CCDC171: variants seen among roughly 807,000 people sequenced by gnomAD.
CCDC171 encodes coiled-coil domain containing 171.
A neutral mutation model predicts 168.2 loss-of-function variants in CCDC171; 177 were observed. That is an observed-to-expected ratio of 1.05 (90% confidence interval 0.93 to 1.19). The LOEUF (loss-of-function observed/expected upper bound fraction) is 1.19, where lower values mean the gene tolerates loss of function less well. Among genes scored for constraint, CCDC171 ranks in the 50% most tolerant of loss-of-function variants. The pLI is 0.00. For synonymous variants in CCDC171, 687 were observed against 540.8 expected, an observed-to-expected ratio of 1.27 and a Z score of -3.75; for missense variants, 1,991 against 1,539.0, an observed-to-expected ratio of 1.29 and a Z score of -4.91.
chr9:15,728,729 T>C (rs2053972523), intron 15 of CCDC171, among the ~76,000 whole-genome samples: 1 of 152,126 alleles, frequency 6.6e-6, no homozygotes, highest in African/African-American at 2.4e-5. Context: ...AAAGACACAT[T>C]GGTTCTTATC....
In CCDC171 at chr9:15,744,336, C is replaced by T; in HGVS notation, c.2113C>T (p.Gln705Ter). ...KLNHIEKSHE[Q>*]LVLENSHFKK... is the part of the protein sequence containing the mutation. The stretch of plus-strand genomic sequence containing the variant: ...GAACCATATTGAGAAGTCACATGAA[C>T]AGTTGGTTCTTGAAAATTCGCACTT... Residue 705 changes from glutamine to a stop codon, truncating the protein, a stop_gained, in exon 17 of 26, where the codon CAG (glutamine) becomes TAG (stop). Coordinates refer to ENST00000380701, the MANE Select transcript of CCDC171 (RefSeq NM_173550.4). LOFTEE classifies it high-confidence loss of function. 6.2e-7 allele frequency: 1 copy of T among 1,613,576 alleles called. No homozygotes were observed. The highest frequency in any genetic ancestry group is 8.5e-7 in the Non-Finnish European group (1 of 1,179,792).
At chr9:15,568,938 T>C (rs2039976805) in intron 2 of CCDC171, among the ~76,000 whole-genome samples, 1 of 152,226 alleles carries the variant, frequency 6.6e-6, no homozygotes, top group Admixed American at 6.5e-5. Flanking sequence ...TTGTTGTGAT[T>C]GCTTTAGGCA....
chr9:16,099,974 C>T, the CCDC171 span, among the ~76,000 whole-genome samples: 1 of 151,140 alleles, frequency 6.6e-6, no homozygotes, highest in South Asian at 2.1e-4. Context: ...CTTTGAGAAA[C>T]CAACGCTGTA....
At chr9:15,584,010 G>A (rs867344758) in intron 4 of CCDC171, among the ~76,000 whole-genome samples, 25 of 152,166 alleles carry the variant, frequency 1.6e-4, no homozygotes, top group Middle Eastern at 3.4e-3. Flanking sequence ...GGGATTACAG[G>A]TGCCCACCAC....
rs1221503253 is a variant in CCDC171, at chr9:15,630,648, A to G, written c.822+7235A>G. Among the ~76,000 whole-genome samples the G allele has an allele frequency of 3.3e-5, 5 of 152,330 alleles. No individual in the cohort carries two copies. In the East Asian group the frequency reaches 7.7e-4, roughly 23 times the overall value. The stretch of plus-strand genomic sequence containing the variant: ...AGAAAGTTAACAAGGATATCCAGGA[A>G]TTGAACTCAGCTCTGCACCAAGCAG... On this transcript the variant is annotated intron_variant, in intron 7 of 25. Transcript: ENST00000380701.
downstream of CCDC171, among the ~76,000 whole-genome samples, chr9:15,976,394 A>G (rs1831620570): frequency 6.6e-6 from 1 of 152,020 alleles, no homozygotes; most frequent in African/African-American, 2.4e-5. Context: ...ATAAACAGTG[A>G]TTATATTGGG....
Position 15,820,390 on chromosome 9 carries a change from A to G in CCDC171, c.3268-26312A>G, listed in dbSNP as rs1437949788. Among the ~76,000 whole-genome samples the G allele has an allele frequency of 2.1e-4, 24 of 116,050 alleles. 7 individuals carry two copies. The highest frequency in any genetic ancestry group is 1.1e-3 in the Admixed American group (13 of 12,274). 76.1% of individuals were successfully genotyped at this position (116,050 alleles called of 152,430 possible). On this transcript the variant is annotated intron_variant, in intron 21 of 25. Transcript: ENST00000380701. ...GCACAAAAAACCCTTCAAAAAATCA[A>G]TGAATCCAGGAGCTGGTTTTTTGAA...
At chr9:15,633,586 C>G (rs1162722269) in intron 7 of CCDC171, among the ~76,000 whole-genome samples, 2 of 152,144 alleles carry the variant, frequency 1.3e-5, no homozygotes, top group South Asian at 4.1e-4. Flanking sequence ...GGACTGTAAA[C>G]TAGTTCAACC....
chr9:16,009,906 T>G (rs2132981824), intron 3 of CCDC171, among the ~76,000 whole-genome samples: 1 of 152,284 alleles, frequency 6.6e-6, no homozygotes, highest in East Asian at 1.9e-4. Flanking sequence ...AAAAAATGCA[T>G]TACAGGCGAA....
intron 25 of CCDC171, among the ~76,000 whole-genome samples, chr9:15,946,377 C>A (rs1047916666): frequency 1.3e-5 from 2 of 151,938 alleles, no homozygotes; most frequent in Admixed American, 6.6e-5. Flanking sequence ...ACACCAATAA[C>A]AGACAAACAG....
At chr9:16,043,155 A>G (rs1281645999) in intron 1 of CCDC171, among the ~76,000 whole-genome samples, 1 of 152,146 alleles carries the variant, frequency 6.6e-6, no homozygotes, top group Non-Finnish European at 1.5e-5. Context: ...AAAAGCAGAT[A>G]TATATGGGTT....
chr9:15,572,597 A>G (rs964902436), intron 3 of CCDC171, among the ~76,000 whole-genome samples: 1 of 152,204 alleles, frequency 6.6e-6, no homozygotes, highest in Non-Finnish European at 1.5e-5. Flanking sequence ...TGTAAACAGT[A>G]TGTTTTTCTT....
intron 11 of CCDC171, among the ~76,000 whole-genome samples, chr9:15,710,515 A>G (rs1013520183): frequency 2.0e-5 from 3 of 151,922 alleles, no homozygotes; most frequent in Non-Finnish European, 4.4e-5. Context: ...GTTAGCCAGG[A>G]TGGTCTCAAT....
At chr9:15,602,298 T>C (rs1046409445) in intron 6 of CCDC171, among the ~76,000 whole-genome samples, 4 of 145,014 alleles carry the variant, frequency 2.8e-5, no homozygotes, top group African/African-American at 9.8e-5. Flanking sequence ...TTGATGGGTT[T>C]AGTTTTACAT....
At chr9:15,634,385 G>C (rs749433709) in intron 7 of CCDC171, among the ~76,000 whole-genome samples, 1 of 152,054 alleles carries the variant, frequency 6.6e-6, no homozygotes, top group Non-Finnish European at 1.5e-5. Flanking sequence ...TTGATGGTTA[G>C]AAAATGGAAG....
intron 21 of CCDC171, among the ~76,000 whole-genome samples, chr9:15,826,453 C>G (rs1030618100): frequency 3.9e-5 from 6 of 152,102 alleles, no homozygotes; most frequent in African/African-American, 1.4e-4. Flanking sequence ...CTATTTCCCT[C>G]TTTTTGAAAT....
chr9:15,852,711 C>G (rs543824314), intron 23 of CCDC171, among the ~76,000 whole-genome samples: 22 of 151,534 alleles, frequency 1.5e-4, no homozygotes, highest in Non-Finnish European at 2.8e-4. Flanking sequence ...ATAGTTTTAG[C>G]TCTCATATTT....
At chr9:15,822,370 A>C (rs1016522968) in intron 21 of CCDC171, among the ~76,000 whole-genome samples, 18 of 151,838 alleles carry the variant, frequency 1.2e-4, no homozygotes, top group Admixed American at 3.9e-4. Flanking sequence ...GCACAGCAAA[A>C]GAAACTACCA....
chr9:16,073,840 CCTT>C, the CCDC171 span, among the ~76,000 whole-genome samples: 2 of 152,140 alleles, frequency 1.3e-5, no homozygotes. Context: ...GATCCCCTGT[CCTT>C]CTAATTACCT....
Sources: gnomAD v4.1 joint callset for allele counts (sites outside exome capture counted in the v4.1 genomes callset) on GRCh38, gnomAD v4.1.1 for gene constraint, MANE v1.5 for transcripts, NCBI Gene and HGNC (gene_info 2026-07-23, HGNC 2026-07-21) for gene names.